TET2: variants seen among roughly 807,000 people sequenced by gnomAD.
TET2 encodes methylcytosine dioxygenase TET2.
Under a neutral mutation model 142.9 loss-of-function variants are expected in TET2, and 299 were observed. That is an observed-to-expected ratio of 2.09 (90% CI 1.90 to 2.30). The LOEUF is 2.30. TET2 is among the 30% of genes most tolerant of loss of function. The pLI is 0.00. For synonymous variants in TET2, 819 were observed against 849.0 expected (o/e 0.96, Z 0.61); for missense variants, 2,418 against 2,378.0 (o/e 1.02, Z -0.35).
chr4:105,235,867 A>G lies in TET2; in HGVS notation c.1925A>G (p.Gln642Arg), dbSNP rs1728843955. ...QMYQVEMNQG[Q>R]SQGTVDQHLQ... ...TACCAAGTTGAAATGAATCAAGGGC[A>G]GTCCCAAGGTACAGTGGACCAACAT... Residue 642 changes from glutamine (Q) to arginine (R), a missense_variant, in exon 3 of 11, where the codon CAG (glutamine) becomes CGG (arginine). Coordinates refer to ENST00000380013, the MANE Select transcript of TET2 (RefSeq NM_001127208.3). The G allele has an allele frequency of 6.2e-7, 1 of 1,614,050 alleles. No homozygotes were observed. The highest frequency in any genetic ancestry group is 8.5e-7 in the Non-Finnish European group (1 of 1,179,988).
chr4:105,247,626 T>G (rs1192001350), intron 6 of TET2, among the ~76,000 whole-genome samples: 1 of 101,798 alleles, frequency 9.8e-6, no homozygotes, highest in Non-Finnish European at 1.9e-5. Flanking sequence ...TTGGCCGATT[T>G]CATCTTGGTT....
chr4:105,163,844 A>T lies in TET2; in HGVS notation c.-193+16865A>T, dbSNP rs1455923261. ...GAGAGAGAGAGAGAGAGAGAGAGAG[A>T]GAGAGAGAGAGTGTGTGTGTGTGTG... On this transcript the variant is annotated intron_variant, in intron 1 of 10. Coordinates refer to ENST00000380013, the MANE Select transcript of TET2 (RefSeq NM_001127208.3). Among the ~76,000 whole-genome samples the T allele has an allele frequency of 4.4e-3, 527 of 118,470 alleles. 1 individual carries two copies. The highest frequency in any genetic ancestry group is 0.014 in the Middle Eastern group (3 of 208). 77.7% of individuals were successfully genotyped at this position (118,470 alleles called of 152,430 possible).
rs1731022370 is a variant in TET2 at position 105,272,670 on chromosome 4, G to A, written c.4289G>A (p.Gly1430Glu). The A allele has an allele frequency of 6.4e-7, 1 of 1,551,742 alleles. No individual in the cohort carries two copies. The highest frequency in any genetic ancestry group is 8.7e-7 in the Non-Finnish European group (1 of 1,146,990). ...LYKVSDVDEF[G>E]SVEAQEEKKR... ...AAAGTCTCTGACGTGGATGAGTTTG[G>A]GAGTGTGGAAGCTCAGGAGGAGAAA... Residue 1430 changes from glycine (G) to glutamate (E), a missense_variant, in exon 10 of 11, where the codon GGG becomes GAG. Physicochemically the swap from Gly to Glu is moderately conservative, Grantham distance 98. Transcript: ENST00000380013.
intron 2 of TET2, among the ~76,000 whole-genome samples, chr4:105,223,587 A>T (rs1173641962): frequency 1.3e-5 from 2 of 152,160 alleles, no homozygotes; most frequent in African/African-American, 4.8e-5. Context: ...TACAGAGGGA[A>T]ATTTAGTAGA....
chr4:105,235,945 T>TA lies in TET2; in HGVS notation c.2004dup (p.Pro669ThrfsTer12). The TA allele has an allele frequency of 1.2e-6, 2 of 1,614,136 alleles. No individual in the cohort carries two copies. Among genetic ancestry groups the TA allele is most frequent in the Non-Finnish European group, 1.7e-6 (2 of 1,180,012 alleles). ...GTGCACTTCTCCAAAACAGACCATT[T>TA]ACCAAAAGCTCATGTGCAGTCACTG... On this transcript the variant is annotated frameshift_variant, in exon 3 of 11. Transcript: ENST00000380013. LOFTEE classifies it high-confidence loss of function.
chr4:105,209,834 G>A (rs1422645391), intron 2 of TET2, among the ~76,000 whole-genome samples: 3 of 152,200 alleles, frequency 2.0e-5, no homozygotes, highest in East Asian at 3.9e-4. Flanking sequence ...GCTTCAGTAT[G>A]AATAGGTAGA....
chr4:105,172,732 G>A (rs1724546342), intron 1 of TET2, among the ~76,000 whole-genome samples: 1 of 152,190 alleles, frequency 6.6e-6, no homozygotes, highest in Non-Finnish European at 1.5e-5. Flanking sequence ...GTTTCTTGCA[G>A]ATTGTTTGTA....
intron 1 of TET2, among the ~76,000 whole-genome samples, chr4:105,152,515 A>G (rs1168862094): frequency 6.6e-6 from 1 of 151,976 alleles, no homozygotes; most frequent in Non-Finnish European, 1.5e-5. Context: ...TGGATGATAT[A>G]GAACTAGTGA....
At chr4:105,159,408 A>G (rs1418822234) in intron 1 of TET2, among the ~76,000 whole-genome samples, 1 of 151,836 alleles carries the variant, frequency 6.6e-6, no homozygotes, top group Admixed American at 6.6e-5. Flanking sequence ...GGCATGCGCC[A>G]CCACGCCCGG....
intron 2 of TET2, among the ~76,000 whole-genome samples, chr4:105,200,684 T>A (rs1726406805): frequency 6.6e-6 from 1 of 152,014 alleles, no homozygotes; most frequent in Non-Finnish European, 1.5e-5. Flanking sequence ...TTTTTGGAGA[T>A]GGAGTCTCAC....
chr4:105,275,589 C>T lies in TET2; in HGVS notation c.5079C>T (p.Tyr1693=), dbSNP rs1355406333. ...FGNSQSFTSK[Y]LGYGNQNMQG... ...ATAGCCAGAGTTTTACATCTAAATA[C>T]TTAGGTTATGGAAACCAAAATATGC... Residue 1693 remains tyrosine, a synonymous_variant, in exon 11 of 11, where the codon TAC becomes TAT. Coordinates refer to ENST00000380013, the MANE Select transcript of TET2 (RefSeq NM_001127208.3). 6.4e-7 allele frequency: 1 copy of T among 1,551,732 alleles called. No individual in the cohort carries two copies. Among genetic ancestry groups the T allele is most frequent in the Non-Finnish European group, 8.7e-7 (1 of 1,146,988 alleles).
intron 1 of TET2, among the ~76,000 whole-genome samples, chr4:105,187,634 T>G (rs1015873079): frequency 6.6e-6 from 1 of 152,254 alleles, no homozygotes; most frequent in Non-Finnish European, 1.5e-5. Context: ...TTCTTTTTTC[T>G]TCTTACATTT....
chr4:105,221,597 T>C (rs1178139372), intron 2 of TET2, among the ~76,000 whole-genome samples: 2 of 152,202 alleles, frequency 1.3e-5, no homozygotes, highest in Non-Finnish European at 2.9e-5. Context: ...GTGCACACGC[T>C]GTATGTGTAT....
chr4:105,186,762 G>A (rs1200204264), intron 1 of TET2, among the ~76,000 whole-genome samples: 3 of 152,034 alleles, frequency 2.0e-5, no homozygotes, highest in Non-Finnish European at 2.9e-5. Flanking sequence ...ATGAGCCACC[G>A]CGGCCTGGCT....
chr4:105,264,074 T>C (rs1195616607), intron 8 of TET2, among the ~76,000 whole-genome samples: 1 of 144,840 alleles, frequency 6.9e-6, no homozygotes, highest in Non-Finnish European at 1.5e-5. Context: ...TACTCTTCTT[T>C]TCCACTGTGG....
Position 105,259,659 on chromosome 4 carries a change from G to C in TET2, c.3844G>C (p.Gly1282Arg). 6.4e-7 allele frequency: 1 copy of C among 1,550,984 alleles called. No individual in the cohort carries two copies. The highest frequency in any genetic ancestry group is 8.7e-7 in the Non-Finnish European group (1 of 1,146,456). The change falls in exon 7 of 11, where the codon GGT becomes CGT. Residue 1282 changes from glycine (G) to arginine (R), a missense_variant. Physicochemically the swap from Gly to Arg is moderately radical, Grantham distance 125. Coordinates refer to ENST00000380013, the MANE Select transcript of TET2 (RefSeq NM_001127208.3). ...TCAGGGGCTGGATCCAGAAACCTGT[G>C]GTGCCTCCTTCTCTTTTGGTTGTTC... ...ACQGLDPETC[G>R]ASFSFGCSWS...
chr4:105,237,756 A>G (rs1729045303), intron 3 of TET2: 1 of 1,165,986 alleles, frequency 8.6e-7, no homozygotes, highest in Admixed American at 4.4e-5. Flanking sequence ...AACTTTAAAT[A>G]TTTTTTAATT....
intron 9 of TET2, 91 bp downstream of exon 9, chr4:105,269,838 A>G: frequency 7.0e-7 from 1 of 1,421,998 alleles, no homozygotes; most frequent in African/African-American, 1.4e-5. Flanking sequence ...TTTATAAAGG[A>G]AAGAGATTTA....
intron 1 of TET2, among the ~76,000 whole-genome samples, chr4:105,186,403 T>A (rs926246248): frequency 2.6e-5 from 4 of 152,114 alleles, no homozygotes; most frequent in East Asian, 1.9e-4. Context: ...CTAAGTGATT[T>A]TTTTATAACT....
Sources: allele counts gnomAD v4.1 joint callset (sites outside exome capture counted in the v4.1 genomes callset), GRCh38; gene constraint gnomAD v4.1.1; transcripts MANE v1.5; gene names NCBI Gene and HGNC (gene_info 2026-07-23, HGNC 2026-07-21).